The following CDH13 variants were observed in gnomAD, a reference collection of about 807,000 sequenced individuals.
The protein encoded by CDH13 is cadherin 13, also known as cadherin-13.
In CDH13, 24 loss-of-function variants were observed where a neutral mutation model predicts 63.8. The ratio of observed to expected loss-of-function variants is 0.38; its 90% CI spans 0.27 to 0.53. The LOEUF (loss-of-function observed/expected upper bound fraction) is 0.53. Ranked by LOEUF, CDH13 falls within the 20% of genes least tolerant of loss-of-function variation. The pLI, the probability that CDH13 is intolerant of heterozygous loss-of-function variation, is 0.85. For missense variants in CDH13, 1,049 were observed against 903.1 expected (o/e 1.16, Z -2.07); for synonymous variants, 503 against 355.3 (o/e 1.42, Z -4.67).
intron 2 of CDH13, among the ~76,000 whole-genome samples, chr16:82,929,554 A>T (rs1463519962): frequency 6.7e-6 from 1 of 149,444 alleles, no homozygotes; most frequent in African/African-American, 2.5e-5. Flanking sequence ...CGGGAGGCTG[A>T]AGCAGGAGAA....
intron 7 of CDH13, among the ~76,000 whole-genome samples, chr16:83,490,884 A>G (rs751924945): frequency 2.0e-5 from 3 of 152,186 alleles, no homozygotes; most frequent in Non-Finnish European, 2.9e-5. Context: ...ACCCTACCAG[A>G]ATATACGCTT....
At chr16:83,279,647 C>T (rs1470672298) in intron 5 of CDH13, among the ~76,000 whole-genome samples, 3 of 152,128 alleles carry the variant, frequency 2.0e-5, no homozygotes, top group East Asian at 1.9e-4. Context: ...ATCGGCTATA[C>T]ATCTGGGAAA....
chr16:82,855,786 T>C (rs1384945886), intron 1 of CDH13, among the ~76,000 whole-genome samples: 1 of 152,152 alleles, frequency 6.6e-6, no homozygotes. Flanking sequence ...ATTTCTCTGA[T>C]GTTGTTCAGG....
chr16:83,095,386 G>A lies in CDH13; in HGVS notation c.367-29999G>A, dbSNP rs7189480. On this transcript the variant is annotated intron_variant, in intron 3 of 13. Coordinates refer to ENST00000567109, the MANE Select transcript of CDH13 (RefSeq NM_001257.5). Reference sequence around the variant, plus strand: ...CAAAAAACTTACTAAATGCCATATGGTTTTATCATCTTGTGCTGGCAATTT... The same window carrying A: ...CAAAAAACTTACTAAATGCCATATGATTTTATCATCTTGTGCTGGCAATTT... 6.6e-3 allele frequency among the ~76,000 whole-genome samples: 1,005 copies of A among 152,252 alleles called. 17 individuals carry two copies. Among genetic ancestry groups the A allele is most frequent in the African/African-American group, 0.022 (896 of 41,544 alleles).
intron 7 of CDH13, among the ~76,000 whole-genome samples, chr16:83,528,290 A>G (rs999164030): frequency 2.0e-5 from 3 of 152,238 alleles, no homozygotes; most frequent in Non-Finnish European, 2.9e-5. Context: ...ATTTTGGTTG[A>G]TCACATTTTA....
intron 2 of CDH13, among the ~76,000 whole-genome samples, chr16:83,029,236 A>G (rs561853203): frequency 6.6e-6 from 1 of 152,298 alleles, no homozygotes; most frequent in South Asian, 2.1e-4. Context: ...AGATTTTCAG[A>G]TATTTATATG....
chr16:83,787,920 G>A (rs4782556), intron 13 of CDH13, among the ~76,000 whole-genome samples: 30,625 of 152,238 alleles, frequency 0.2, 3,454 homozygotes, highest in Non-Finnish European at 0.26. Flanking sequence ...TCCAGCCTAA[G>A]CGACAGAGCA....
At chr16:83,715,189 C>T (rs1451277656) in intron 10 of CDH13, among the ~76,000 whole-genome samples, 1 of 152,166 alleles carries the variant, frequency 6.6e-6, no homozygotes, top group Non-Finnish European at 1.5e-5. Context: ...AAATATTAAG[C>T]TCTGTGTAAT....
At chr16:83,023,558 T>G (rs1223119096) in intron 2 of CDH13, among the ~76,000 whole-genome samples, 1 of 152,210 alleles carries the variant, frequency 6.6e-6, no homozygotes, top group Non-Finnish European at 1.5e-5. Flanking sequence ...AGTCACATCT[T>G]TCAGTTATCC....
At chr16:82,699,659 C>G (rs1306523180) in intron 1 of CDH13, among the ~76,000 whole-genome samples, 1 of 152,194 alleles carries the variant, frequency 6.6e-6, no homozygotes, top group South Asian at 2.1e-4. Flanking sequence ...AAAATGTAAT[C>G]AGTACACACA....
chr16:83,157,473 T>C (rs573850258), intron 4 of CDH13, among the ~76,000 whole-genome samples: 1 of 152,348 alleles, frequency 6.6e-6, no homozygotes. Context: ...TATATTTTAA[T>C]TGCCTTTTAA....
intron 3 of CDH13, among the ~76,000 whole-genome samples, chr16:83,089,232 C>T (rs2033771063): frequency 6.6e-6 from 1 of 152,166 alleles, no homozygotes; most frequent in Non-Finnish European, 1.5e-5. Context: ...GGATGAATTC[C>T]AGCCCACTAA....
At chr16:83,033,447 G>GTA (rs1916562489) in intron 3 of CDH13, among the ~76,000 whole-genome samples, 2 of 152,048 alleles carry the variant, frequency 1.3e-5, no homozygotes, top group Admixed American at 1.3e-4. Context: ...GGTGACTTCA[G>GTA]TATATATATG....
chr16:83,271,422 T>TTAAAAAAAAAAA (rs1555522986), intron 5 of CDH13, among the ~76,000 whole-genome samples: 800 of 26,026 alleles, frequency 0.031, 244 homozygotes, highest in East Asian at 0.092. Flanking sequence ...GCAGAGTTCA[T>TTAAAAAAAAAAA]AAAAAAAAAA....
At chr16:82,672,800 C>CACAT (rs1555531871) in intron 1 of CDH13, among the ~76,000 whole-genome samples, 1 of 142,880 alleles carries the variant, frequency 7.0e-6, no homozygotes, top group Non-Finnish European at 1.5e-5. Flanking sequence ...CACACACACA[C>CACAT]ATACACACAC....
At chr16:83,691,327 G>T (rs1479307738) in intron 10 of CDH13, among the ~76,000 whole-genome samples, 1 of 152,128 alleles carries the variant, frequency 6.6e-6, no homozygotes, top group Non-Finnish European at 1.5e-5. Flanking sequence ...GGGGGCGTTT[G>T]TGCTACAGAT....
At chr16:83,034,860 C>A (rs1418813639) in intron 3 of CDH13, among the ~76,000 whole-genome samples, 3 of 152,084 alleles carry the variant, frequency 2.0e-5, no homozygotes, top group African/African-American at 4.8e-5. Context: ...AGACAAAGCT[C>A]CCCTGAGTCC....
intron 7 of CDH13, among the ~76,000 whole-genome samples, chr16:83,503,391 C>G (rs553591627): frequency 6.6e-6 from 1 of 152,196 alleles, no homozygotes; most frequent in Admixed American, 6.5e-5. Flanking sequence ...GGTGGGATAA[C>G]AACACGCCAC....
At chr16:83,763,930 G>A (rs1914178337) in intron 11 of CDH13, among the ~76,000 whole-genome samples, 1 of 152,162 alleles carries the variant, frequency 6.6e-6, no homozygotes, top group Non-Finnish European at 1.5e-5. Context: ...TACACCTCAG[G>A]ATGAGTTCAG....
Sources: gnomAD v4.1 joint callset for allele counts (sites outside exome capture counted in the v4.1 genomes callset) on GRCh38, gnomAD v4.1.1 for gene constraint, MANE v1.5 for transcripts, NCBI Gene and HGNC (gene_info 2026-07-23, HGNC 2026-07-21) for gene names.